PHACTR1: variants seen among roughly 807,000 people sequenced by gnomAD.
The protein encoded by PHACTR1 is RPEL repeat containing 1.
A neutral mutation model predicts 69.2 loss-of-function variants in PHACTR1; 16 were observed. The observed-to-expected ratio is 0.23, with a 90% confidence interval of 0.16 to 0.35. The LOEUF (loss-of-function observed/expected upper bound fraction) is 0.35. Ranked by LOEUF, PHACTR1 falls within the 10% of genes least tolerant of loss-of-function variation. The pLI, the probability that PHACTR1 is intolerant of heterozygous loss-of-function variation, is 1.00. For synonymous variants in PHACTR1, 312 were observed against 284.5 expected, an observed-to-expected ratio of 1.10 and a Z score of -0.97; for missense variants, 510 against 734.7, an observed-to-expected ratio of 0.69 and a Z score of 3.54.
At chr6:12,928,385 C>T (rs534856027) in intron 4 of PHACTR1, among the ~76,000 whole-genome samples, 10 of 152,248 alleles carry the variant, frequency 6.6e-5, no homozygotes, top group East Asian at 1.9e-4. Flanking sequence ...CACCTACGAA[C>T]GGGACTGGCT....
At chr6:13,193,098 G>T (rs891794597) in intron 7 of PHACTR1, among the ~76,000 whole-genome samples, 1 of 151,720 alleles carries the variant, frequency 6.6e-6, no homozygotes, top group African/African-American at 2.4e-5. Context: ...TTCTCAGGCC[G>T]TACACTAAGA....
chr6:12,941,895 G>C (rs1363143392), intron 4 of PHACTR1, among the ~76,000 whole-genome samples: 2 of 152,136 alleles, frequency 1.3e-5, no homozygotes, highest in Non-Finnish European at 2.9e-5. Flanking sequence ...ATCATGAGTG[G>C]ACCTGAATTA....
intron 5 of PHACTR1, among the ~76,000 whole-genome samples, chr6:13,096,479 G>T (rs921468961): frequency 6.6e-6 from 1 of 152,146 alleles, no homozygotes; most frequent in African/African-American, 2.4e-5. Flanking sequence ...TCATACTTGG[G>T]AAGCTTCTTA....
intron 10 of PHACTR1, among the ~76,000 whole-genome samples, chr6:13,252,517 C>G (rs1774615655): frequency 2.0e-5 from 3 of 151,828 alleles, no homozygotes; most frequent in Admixed American, 1.3e-4. Flanking sequence ...AAAATTCCAT[C>G]TATCCTGATC....
intron 5 of PHACTR1, among the ~76,000 whole-genome samples, chr6:13,079,925 T>C (rs1276537588): frequency 6.6e-6 from 1 of 152,146 alleles, no homozygotes; most frequent in East Asian, 1.9e-4. Flanking sequence ...TTATAACATC[T>C]AACCTTCCTC....
At chr6:13,040,289 G>A (rs1213609099) in intron 4 of PHACTR1, among the ~76,000 whole-genome samples, 1 of 151,998 alleles carries the variant, frequency 6.6e-6, no homozygotes, top group African/African-American at 2.4e-5. Context: ...TCTATTTCTT[G>A]TGCCTGCCCT....
intron 5 of PHACTR1, among the ~76,000 whole-genome samples, chr6:13,134,904 C>G (rs1235869498): frequency 6.6e-6 from 1 of 151,716 alleles, no homozygotes; most frequent in Non-Finnish European, 1.5e-5. Context: ...ACTTAGGTAA[C>G]CTACCCGAGT....
chr6:12,867,594 A>G (rs751388432), intron 4 of PHACTR1, among the ~76,000 whole-genome samples: 19 of 152,244 alleles, frequency 1.2e-4, no homozygotes, highest in Non-Finnish European at 2.8e-4. Flanking sequence ...TGGAGGAATT[A>G]GAATTTTAAC....
intron 10 of PHACTR1, chr6:13,266,497 C>G (rs1776729146): frequency 1.3e-5 from 2 of 152,324 alleles, no homozygotes; most frequent in South Asian, 4.1e-4. Flanking sequence ...CTGTATTAGG[C>G]CATTCCCACA....
intron 4 of PHACTR1, among the ~76,000 whole-genome samples, chr6:12,799,446 A>C (rs933336301): frequency 6.6e-6 from 1 of 152,232 alleles, no homozygotes; most frequent in African/African-American, 2.4e-5. Flanking sequence ...TTTCTTCATG[A>C]AAAAGAACTA....
At chr6:13,110,132 C>T (rs896850991) in intron 5 of PHACTR1, among the ~76,000 whole-genome samples, 5 of 151,918 alleles carry the variant, frequency 3.3e-5, no homozygotes, top group Admixed American at 3.3e-4. Context: ...ATTTCTGCAT[C>T]TGTTTCTATT....
chr6:12,942,871 C>G (rs1458779341), intron 4 of PHACTR1, among the ~76,000 whole-genome samples: 1 of 152,190 alleles, frequency 6.6e-6, no homozygotes, highest in African/African-American at 2.4e-5. Flanking sequence ...CTCTTTCACC[C>G]AGGCATTTCA....
At chr6:12,945,745 C>A (rs1346067226) in intron 4 of PHACTR1, among the ~76,000 whole-genome samples, 1 of 152,000 alleles carries the variant, frequency 6.6e-6, no homozygotes, top group Non-Finnish European at 1.5e-5. Flanking sequence ...AGGCAGATCA[C>A]CTGAGGTCAG....
chr6:12,734,852 T>C (rs1033205369), intron 3 of PHACTR1, among the ~76,000 whole-genome samples: 3 of 152,210 alleles, frequency 2.0e-5, no homozygotes, highest in African/African-American at 4.8e-5. Flanking sequence ...AATTTGCTAA[T>C]AGTTCAATCA....
chr6:13,256,498 C>T (rs1169131283), intron 10 of PHACTR1, among the ~76,000 whole-genome samples: 1 of 152,222 alleles, frequency 6.6e-6, no homozygotes, highest in Admixed American at 6.5e-5. Flanking sequence ...TCCACTTTTA[C>T]CCTGTTTCCC....
chr6:13,208,591 G>T (rs1766278632), intron 8 of PHACTR1, among the ~76,000 whole-genome samples: 1 of 151,660 alleles, frequency 6.6e-6, no homozygotes, highest in Non-Finnish European at 1.5e-5. Flanking sequence ...ACACACAGCT[G>T]CTTCCTAAGG....
chr6:12,933,762 C>T, intron 4 of PHACTR1: 1 of 1,612,870 alleles, frequency 6.2e-7, no homozygotes, highest in Non-Finnish European at 8.5e-7. Flanking sequence ...CCTACATACA[C>T]TACATCAGCC....
At chr6:12,750,381 T>C (rs1766456902) in intron 4 of PHACTR1, among the ~76,000 whole-genome samples, 1 of 151,686 alleles carries the variant, frequency 6.6e-6, no homozygotes, top group Admixed American at 6.6e-5. Context: ...GTGCCCAAAG[T>C]GGCCCAGATC....
intron 10 of PHACTR1, among the ~76,000 whole-genome samples, chr6:13,249,427 T>TG (rs1774045401): frequency 6.6e-6 from 1 of 152,086 alleles, no homozygotes; most frequent in Non-Finnish European, 1.5e-5. Context: ...CCAAAAAGGT[T>TG]GGGGACAGCT....
Sources: allele counts gnomAD v4.1 joint callset (sites outside exome capture counted in the v4.1 genomes callset), GRCh38; gene constraint gnomAD v4.1.1; transcripts MANE v1.5; gene names NCBI Gene and HGNC (gene_info 2026-07-23, HGNC 2026-07-21).